LPXN: variants seen among roughly 807,000 people sequenced by gnomAD.
LPXN encodes leupaxin.
In LPXN, 28 loss-of-function variants were observed where a neutral mutation model predicts 45.6. The observed-to-expected ratio is 0.61, with a 90% CI of 0.45 to 0.84. LPXN has a LOEUF of 0.84. Among genes scored for constraint, LPXN ranks in the 40% least tolerant of loss-of-function variants. The pLI, the probability that LPXN is intolerant of heterozygous loss-of-function variation, is 0.00. For synonymous variants in LPXN, 166 were observed against 169.9 expected (o/e 0.98, Z 0.18); for missense variants, 459 against 475.0 (o/e 0.97, Z 0.31).
intron 7 of LPXN, among the ~76,000 whole-genome samples, chr11:58,536,771 G>A (rs1590757504): frequency 6.6e-6 from 1 of 151,788 alleles, no homozygotes; most frequent in East Asian, 1.9e-4. Flanking sequence ...CTGACAAAGG[G>A]CTAATATCTA....
At chr11:58,537,906 A>G (rs1463292163) in intron 7 of LPXN, among the ~76,000 whole-genome samples, 1 of 141,362 alleles carries the variant, frequency 7.1e-6, no homozygotes, top group Non-Finnish European at 1.5e-5. Flanking sequence ...ATATCTCCTA[A>G]AGCTATCCCT....
At chr11:58,578,830 G>A (rs115987045), upstream of LPXN, among the ~76,000 whole-genome samples, 2,460 of 152,034 alleles carry the variant, frequency 0.016, 66 homozygotes, top group African/African-American at 0.056. Flanking sequence ...CCTAGCGCGC[G>A]TTGAAGTCTG....
intron 7 of LPXN, among the ~76,000 whole-genome samples, chr11:58,535,578 A>G (rs1853526003): frequency 1.3e-5 from 2 of 152,202 alleles, no homozygotes; most frequent in South Asian, 4.1e-4. Flanking sequence ...GAATGGGCAA[A>G]ACCTGGAAGC....
intron 7 of LPXN, among the ~76,000 whole-genome samples, chr11:58,545,136 T>G (rs373366250): frequency 3.9e-5 from 6 of 152,322 alleles, no homozygotes; most frequent in African/African-American, 1.4e-4. Context: ...ATGTCACTTT[T>G]TGTCATGTGG....
intron 7 of LPXN, among the ~76,000 whole-genome samples, chr11:58,544,481 A>G (rs147210652): frequency 1.2e-4 from 19 of 152,302 alleles, no homozygotes; most frequent in Admixed American, 2.6e-4. Flanking sequence ...CATGCCAACT[A>G]TCTGAGAAAT....
chr11:58,539,805 T>A (rs1006650481), intron 7 of LPXN, among the ~76,000 whole-genome samples: 1 of 152,166 alleles, frequency 6.6e-6, no homozygotes, highest in Non-Finnish European at 1.5e-5. Context: ...TATTCCAAGA[T>A]AACCCAATAA....
At chr11:58,573,246 CAAAAA>C (rs59534059) in intron 1 of LPXN, among the ~76,000 whole-genome samples, 1 of 90,486 alleles carries the variant, frequency 1.1e-5, no homozygotes, top group Admixed American at 1.2e-4. Flanking sequence ...AACTCCGTCT[CAAAAA>C]AAAAAAAAAA....
chr11:58,541,667 T>G (rs1314462936), intron 7 of LPXN, among the ~76,000 whole-genome samples: 1 of 150,638 alleles, frequency 6.6e-6, no homozygotes, highest in Admixed American at 6.6e-5. Flanking sequence ...AAATACCATT[T>G]GACCCAGCCA....
At chr11:58,527,936 C>T (rs1853275623) in intron 8 of LPXN, 107 bp downstream of exon 8, 1 of 1,314,198 alleles carries the variant, frequency 7.6e-7, no homozygotes, top group Non-Finnish European at 1.1e-6. Context: ...TGCGCACATC[C>T]ATTCCTCATT....
intron 2 of LPXN, among the ~76,000 whole-genome samples, chr11:58,569,847 G>A (rs1462135509): frequency 6.6e-6 from 1 of 152,186 alleles, no homozygotes; most frequent in African/African-American, 2.4e-5. Flanking sequence ...AAGTCACCCT[G>A]AGAAGACTTG....
chr11:58,535,655 G>A (rs1345700577), intron 7 of LPXN, among the ~76,000 whole-genome samples: 1 of 152,184 alleles, frequency 6.6e-6, no homozygotes, highest in Non-Finnish European at 1.5e-5. Context: ...ACATAGTGTT[G>A]GAAGTTCTCG....
chr11:58,559,241 A>C (rs2120353957), intron 3 of LPXN, among the ~76,000 whole-genome samples: 1 of 152,186 alleles, frequency 6.6e-6, no homozygotes, highest in South Asian at 2.1e-4. Context: ...ATTTATATAT[A>C]CCATAGGTGG....
chr11:58,556,450 T>C (rs891805986), intron 3 of LPXN, among the ~76,000 whole-genome samples: 6 of 152,098 alleles, frequency 3.9e-5, no homozygotes, highest in African/African-American at 1.2e-4. Flanking sequence ...AATTAAGAGA[T>C]AAGTTGGACA....
At chr11:58,574,134 CCTGTGG>C (rs1345300699) in intron 1 of LPXN, among the ~76,000 whole-genome samples, 1 of 152,212 alleles carries the variant, frequency 6.6e-6, no homozygotes, top group African/African-American at 2.4e-5. Flanking sequence ...CCATCAACAG[CCTGTGG>C]AGACGTAGCC....
chr11:58,550,172 CAGG>C, intron 5 of LPXN, 26 bp from the exon 6 acceptor site: 1 of 1,605,434 alleles, frequency 6.2e-7, no homozygotes, highest in Non-Finnish European at 8.5e-7. Context: ...AAGCCTGACA[CAGG>C]AGGCCAGTTG....
rs560527324 is a variant in LPXN at position 58,532,476 on chromosome 11, G to C, written c.743-4285C>G. Among the ~76,000 whole-genome samples, 12 of 152,368 alleles carry C rather than the reference G, an allele frequency of 7.9e-5. No individual in the cohort carries two copies. The East Asian group carries it at 2.3e-3, about 29-fold the overall frequency. On this transcript the variant is annotated intron_variant, in intron 7 of 8. Transcript: ENST00000395074. ...TTGTAAATGCACCAATCAGCACTCT[G>C]TGTCTGGCTCAGGGATTGTAAATGC... is the stretch of plus-strand genomic sequence containing the variant.
intron 3 of LPXN, among the ~76,000 whole-genome samples, 153 bp from the exon 4 acceptor site, chr11:58,555,093 T>C (rs747465323): frequency 1.3e-5 from 2 of 152,246 alleles, no homozygotes; most frequent in African/African-American, 4.8e-5. Context: ...TATATTAATA[T>C]GTACTAGACC....
intron 1 of LPXN, among the ~76,000 whole-genome samples, chr11:58,573,597 C>G (rs2134363031): frequency 6.6e-6 from 1 of 152,276 alleles, no homozygotes; most frequent in South Asian, 2.1e-4. Context: ...GAGTTATAGG[C>G]TTTTCTCTTC....
intron 3 of LPXN, among the ~76,000 whole-genome samples, chr11:58,555,568 C>T (rs932357396): frequency 1.3e-5 from 2 of 152,124 alleles, no homozygotes; most frequent in African/African-American, 4.8e-5. Flanking sequence ...AAGTAAAGCT[C>T]AATAAATTTT....
Sources: allele counts gnomAD v4.1 joint callset (sites outside exome capture counted in the v4.1 genomes callset), GRCh38; gene constraint gnomAD v4.1.1; transcripts MANE v1.5; gene names NCBI Gene and HGNC (gene_info 2026-07-23, HGNC 2026-07-21).